Variants in NRXN3 observed in about 807,000 individuals in gnomAD.
The protein encoded by NRXN3 is neurexin 3.
A neutral mutation model predicts 137.6 loss-of-function variants in NRXN3; 32 were observed. The ratio of observed to expected loss-of-function variants is 0.23; its 90% CI spans 0.18 to 0.31. The LOEUF (loss-of-function observed/expected upper bound fraction) is 0.31, where lower values mean the gene tolerates loss of function less well. NRXN3 is among the 10% of genes least tolerant of loss of function. The probability of loss-of-function intolerance (pLI) is 1.00; values close to 1 mark genes in which losing one functional copy is unlikely to be tolerated. For synonymous variants in NRXN3, 798 were observed against 784.5 expected (o/e 1.02, Z -0.29); for missense variants, 1,574 against 2,062.5 (o/e 0.76, Z 4.59).
intron 4 of NRXN3, among the ~76,000 whole-genome samples, chr14:78,316,439 G>A (rs542816733): frequency 2.0e-4 from 31 of 152,294 alleles, no homozygotes; most frequent in Non-Finnish European, 2.8e-4. Context: ...TCAGGGAGCT[G>A]GAGATGCAGG....
At chr14:79,071,537 T>A in intron 15 of NRXN3, among the ~76,000 whole-genome samples, 1 of 152,178 alleles carries the variant, frequency 6.6e-6, no homozygotes, top group East Asian at 1.9e-4. Flanking sequence ...GGATTTGCAG[T>A]CAGTGAAAAC....
At chr14:78,879,022 A>G (rs893622980) in intron 10 of NRXN3, among the ~76,000 whole-genome samples, 2 of 152,134 alleles carry the variant, frequency 1.3e-5, no homozygotes, top group African/African-American at 4.8e-5. Context: ...TGTTGTTACA[A>G]ATTAGGAGAT....
At chr14:79,500,566 G>A (rs1449753482) in intron 16 of NRXN3, among the ~76,000 whole-genome samples, 1 of 152,166 alleles carries the variant, frequency 6.6e-6, no homozygotes, top group Admixed American at 6.5e-5. Flanking sequence ...AATAATTGCT[G>A]TCCTTTCATC....
intron 4 of NRXN3, among the ~76,000 whole-genome samples, chr14:78,409,849 T>A (rs2092717221): frequency 6.6e-6 from 1 of 152,216 alleles, no homozygotes; most frequent in African/African-American, 2.4e-5. Flanking sequence ...CAACCCAAAC[T>A]GCCTTAAGCC....
intron 20 of NRXN3, among the ~76,000 whole-genome samples, chr14:79,824,542 G>A (rs2099286475): frequency 1.3e-5 from 2 of 152,166 alleles, no homozygotes; most frequent in South Asian, 2.1e-4. Context: ...TTTTGGAGGA[G>A]GCAGAAAAGG....
chr14:78,905,016 A>C (rs912131933), intron 10 of NRXN3, among the ~76,000 whole-genome samples: 11 of 152,040 alleles, frequency 7.2e-5, no homozygotes, highest in African/African-American at 2.7e-4. Flanking sequence ...CTCCTGAACT[A>C]ACTCTTTGGC....
intron 15 of NRXN3, among the ~76,000 whole-genome samples, chr14:79,029,570 A>G (rs953114748): frequency 2.0e-5 from 3 of 152,144 alleles, no homozygotes; most frequent in Non-Finnish European, 4.4e-5. Context: ...AGTATTTCTC[A>G]ATAGCCATGC....
chr14:78,518,008 A>G (rs1257377968), intron 4 of NRXN3, among the ~76,000 whole-genome samples: 1 of 152,174 alleles, frequency 6.6e-6, no homozygotes, highest in Non-Finnish European at 1.5e-5. Flanking sequence ...TCTTAGAAGA[A>G]TATCTGAGCT....
intron 4 of NRXN3, among the ~76,000 whole-genome samples, chr14:78,574,062 G>T (rs2096913838): frequency 6.6e-6 from 1 of 152,240 alleles, no homozygotes; most frequent in South Asian, 2.1e-4. Flanking sequence ...GCTTCAGAGG[G>T]TACAAGCCCC....
At chr14:78,925,825 G>A (rs2099287721) in intron 10 of NRXN3, among the ~76,000 whole-genome samples, 1 of 152,112 alleles carries the variant, frequency 6.6e-6, no homozygotes, top group African/African-American at 2.4e-5. Flanking sequence ...CCCTTTCCTA[G>A]CTGTGTGACC....
intron 4 of NRXN3, among the ~76,000 whole-genome samples, chr14:78,579,841 T>C (rs2096975151): frequency 6.6e-6 from 1 of 152,174 alleles, no homozygotes; most frequent in Non-Finnish European, 1.5e-5. Context: ...TGAGAAGGAA[T>C]TGTGAACAGG....
chr14:79,743,111 C>T (rs913334454), intron 19 of NRXN3, among the ~76,000 whole-genome samples: 8 of 152,154 alleles, frequency 5.3e-5, no homozygotes, highest in South Asian at 4.1e-4. Context: ...GATGAGTCCA[C>T]GGAGGTTCAT....
intron 15 of NRXN3, among the ~76,000 whole-genome samples, chr14:79,374,352 T>C (rs2094199106): frequency 6.6e-6 from 1 of 151,962 alleles, no homozygotes; most frequent in Admixed American, 6.6e-5. Flanking sequence ...TACATGCCCT[T>C]TATGTTAGAG....
At chr14:79,635,176 A>G (rs1421422349) in intron 16 of NRXN3, among the ~76,000 whole-genome samples, 2 of 152,246 alleles carry the variant, frequency 1.3e-5, no homozygotes, top group African/African-American at 4.8e-5. Context: ...GAAACATCAC[A>G]TTGTACCCCA....
At chr14:78,605,557 T>C (rs911863958) in intron 4 of NRXN3, among the ~76,000 whole-genome samples, 5 of 152,182 alleles carry the variant, frequency 3.3e-5, no homozygotes, top group Admixed American at 1.3e-4. Context: ...CATATAAAAA[T>C]GCTACTGGGC....
chr14:78,411,827 A>C (rs1388255090), intron 4 of NRXN3, among the ~76,000 whole-genome samples: 2 of 152,116 alleles, frequency 1.3e-5, no homozygotes, highest in Admixed American at 6.5e-5. Context: ...TGCTCCTGTG[A>C]TTTACTTACA....
At chr14:78,210,161 A>G (rs1194162047) in intron 1 of NRXN3, among the ~76,000 whole-genome samples, 2 of 152,180 alleles carry the variant, frequency 1.3e-5, no homozygotes, top group East Asian at 1.9e-4. Context: ...AATGACAGAC[A>G]TTTTTTACTC....
chr14:79,082,023 C>T (rs556690478), intron 15 of NRXN3, among the ~76,000 whole-genome samples: 1 of 151,666 alleles, frequency 6.6e-6, no homozygotes, highest in Admixed American at 6.6e-5. Context: ...AATATATAAA[C>T]ATATATGTTT....
chr14:78,272,385 C>A (rs191751597), intron 2 of NRXN3, among the ~76,000 whole-genome samples: 22 of 152,248 alleles, frequency 1.4e-4, no homozygotes, highest in African/African-American at 4.6e-4. Flanking sequence ...AGATTTGGAG[C>A]AATTGGGCGA....
Sources: gnomAD v4.1 joint callset for allele counts (sites outside exome capture counted in the v4.1 genomes callset) on GRCh38, gnomAD v4.1.1 for gene constraint, MANE v1.5 for transcripts, NCBI Gene and HGNC (gene_info 2026-07-23, HGNC 2026-07-21) for gene names.